Variants in CFAP221 observed in about 807,000 individuals in gnomAD.
CFAP221 encodes the protein cilia and flagella associated protein 221.
In CFAP221, 97 loss-of-function variants were observed where a neutral mutation model predicts 113.1. The observed-to-expected ratio is 0.86, with a 90% confidence interval of 0.73 to 1.02. The LOEUF (loss-of-function observed/expected upper bound fraction) is 1.02. CFAP221 is among the 50% of genes least tolerant of loss of function. The probability of loss-of-function intolerance (pLI) is 0.00; values close to 1 mark genes in which losing one functional copy is unlikely to be tolerated. For synonymous variants in CFAP221, 331 were observed against 354.4 expected (o/e 0.93, Z 0.74); for missense variants, 1,025 against 1,013.4 (o/e 1.01, Z -0.16).
At chr2:119,600,202 T>A (rs577692111) in intron 7 of CFAP221, among the ~76,000 whole-genome samples, 1 of 152,304 alleles carries the variant, frequency 6.6e-6, no homozygotes, top group South Asian at 2.1e-4. Context: ...CTTCGCTTTT[T>A]CTCTCCACAT....
chr2:119,608,478 A>G (rs1433302731), intron 11 of CFAP221, 24 bp from the exon 12 acceptor site: 1 of 1,380,760 alleles, frequency 7.2e-7, no homozygotes, highest in Non-Finnish European at 9.6e-7. Context: ...GGTTCTGGAC[A>G]CAGTTTTTTT....
chr2:119,567,157 G>C (rs1681706734), intron 6 of CFAP221, among the ~76,000 whole-genome samples: 1 of 152,132 alleles, frequency 6.6e-6, no homozygotes, highest in Non-Finnish European at 1.5e-5. Flanking sequence ...CCATAGTTTA[G>C]GGTTCACTCT....
intron 3 of CFAP221, among the ~76,000 whole-genome samples, chr2:119,555,241 T>G (rs2104521388): frequency 6.6e-6 from 1 of 152,182 alleles, no homozygotes; most frequent in Non-Finnish European, 1.5e-5. Context: ...GTAAATATGG[T>G]GCCCTGTGGA....
Position 119,647,030 on chromosome 2 carries a change from C to CA in CFAP221, c.2299dup (p.Arg767LysfsTer8). The CA allele has an allele frequency of 6.2e-7, 1 of 1,608,720 alleles. No individual in the cohort carries two copies. The highest frequency in any genetic ancestry group is 8.5e-7 in the Non-Finnish European group (1 of 1,177,834). ...TCCTTGATGCCTTACCAGAAGAGGA[C>CA]AGACTAGAAACAGTAGAACGGTATT... On this transcript the variant is annotated frameshift_variant, in exon 22 of 24. Coordinates refer to ENST00000413369, the MANE Select transcript of CFAP221 (RefSeq NM_001271049.2). LOFTEE classifies it high-confidence loss of function.
At chr2:119,576,430 CACTT>C (rs1212152577) in intron 6 of CFAP221, among the ~76,000 whole-genome samples, 2 of 152,200 alleles carry the variant, frequency 1.3e-5, no homozygotes, top group African/African-American at 2.4e-5. Flanking sequence ...ATTCAGCTCT[CACTT>C]ACAAGTGAAA....
chr2:119,602,664 A>G (rs995868005), intron 8 of CFAP221: 2 of 985,264 alleles, frequency 2.0e-6, no homozygotes, highest in African/African-American at 1.7e-5. Flanking sequence ...CTGAACCCAA[A>G]TCCTGCAAAT....
At chr2:119,602,945 T>C (rs1684467614) in intron 8 of CFAP221, among the ~76,000 whole-genome samples, 3 of 152,236 alleles carry the variant, frequency 2.0e-5, no homozygotes, top group Admixed American at 6.5e-5. Flanking sequence ...TTCTAAATTA[T>C]TATGTTAGTA....
At chr2:119,639,296 C>G (rs780645449) in intron 20 of CFAP221, among the ~76,000 whole-genome samples, 1 of 152,190 alleles carries the variant, frequency 6.6e-6, no homozygotes, top group South Asian at 2.1e-4. Flanking sequence ...ACAATGCCCT[C>G]GTGACCTGCC....
chr2:119,638,404 T>C lies in CFAP221; in HGVS notation c.2120T>C (p.Phe707Ser). ...GSSIPVTQKQFLHHTDIIPGI... is the reference protein window; with the variant it reads ...GSSIPVTQKQSLHHTDIIPGI... ...AGCATTCCTGTCACCCAAAAGCAGT[T>C]TCTCCATCACACGGTAATGTCATCA... The change falls in exon 20 of 24, where the codon TTT becomes TCT. Residue 707 changes from phenylalanine (F) to serine (S), a missense_variant. Transcript: ENST00000413369. 6.2e-7 allele frequency: 1 copy of C among 1,614,088 alleles called. No individual in the cohort carries two copies. The highest frequency in any genetic ancestry group is 8.5e-7 in the Non-Finnish European group (1 of 1,180,024).
downstream of CFAP221, among the ~76,000 whole-genome samples, chr2:119,658,367 C>T (rs958203875): frequency 6.6e-6 from 1 of 152,170 alleles, no homozygotes; most frequent in Non-Finnish European, 1.5e-5. Context: ...GCATCCTCGA[C>T]CTTTCCTAAG....
At chr2:119,577,774 A>C (rs999537953) in intron 6 of CFAP221, among the ~76,000 whole-genome samples, 2 of 152,256 alleles carry the variant, frequency 1.3e-5, no homozygotes, top group Non-Finnish European at 2.9e-5. Context: ...CCAAATTAAG[A>C]TGGCATCCAG....
At position 119,567,617 on chromosome 2, in the gene CFAP221, A is replaced by G. The variant is rs558297257; in HGVS notation, c.527+5503A>G. ...GTTTTTGTGTGGATGTAAGTTTTCA[A>G]TTCCTTTGGGTAGATACCAAAGAAC... On this transcript the variant is annotated intron_variant, in intron 6 of 23. Transcript: ENST00000413369. 1.2e-4 allele frequency among the ~76,000 whole-genome samples: 18 copies of G among 152,304 alleles called. No homozygotes were observed. In the South Asian group the frequency reaches 1.7e-3, roughly 14 times the overall value.
At chr2:119,609,812 T>C (rs1685028363) in intron 12 of CFAP221, among the ~76,000 whole-genome samples, 2 of 152,192 alleles carry the variant, frequency 1.3e-5, no homozygotes, top group South Asian at 4.1e-4. Context: ...GGGAAAAACA[T>C]TTCTTGTCAG....
intron 14 of CFAP221, among the ~76,000 whole-genome samples, chr2:119,618,086 C>T (rs572722682): frequency 7.2e-5 from 11 of 152,238 alleles, no homozygotes; most frequent in African/African-American, 2.4e-4. Context: ...CAGGCATTAT[C>T]CTCTTATTTT....
chr2:119,646,818 A>G (rs1024416552), intron 21 of CFAP221, 140 bp from the exon 22 acceptor site: 16 of 626,450 alleles, frequency 2.6e-5, no homozygotes, highest in Non-Finnish European at 1.3e-5. Context: ...GGAACCATAA[A>G]TGGCTTTTCA....
In CFAP221 at chr2:119,559,960, G is replaced by A. The variant is rs779348863; in HGVS notation, c.360G>A (p.Thr120=). Residue 120 remains threonine, a synonymous_variant, in exon 5 of 24, where the codon ACG becomes ACA. Coordinates refer to ENST00000413369, the MANE Select transcript of CFAP221 (RefSeq NM_001271049.2). The part of the protein sequence containing the change: ...EHHLVPGLSL[T]VTVTFSPDEW... ...ACCTGGTCCCTGGCTTGTCCCTCAC[G>A]GTCACCGTTACATTTTCTCCAGATG... The A allele has an allele frequency of 1.0e-5, 16 of 1,535,518 alleles. No homozygotes were observed. The highest frequency in any genetic ancestry group is 2.0e-5 in the Admixed American group (1 of 50,928).
At chr2:119,570,897 A>G (rs1376901290) in intron 6 of CFAP221, among the ~76,000 whole-genome samples, 4 of 152,210 alleles carry the variant, frequency 2.6e-5, no homozygotes, top group African/African-American at 4.8e-5. Flanking sequence ...GTAAATACCT[A>G]GAAGTGGAAT....
intron 16 of CFAP221, among the ~76,000 whole-genome samples, chr2:119,628,294 G>GGGGGGGT (rs1553491014): frequency 7.3e-6 from 1 of 137,488 alleles, no homozygotes; most frequent in African/African-American, 2.8e-5. Context: ...CTCTCTGGGG[G>GGGGGGGT]GTGTGTGTGT....
At chr2:119,659,141 C>T (rs774756233), downstream of CFAP221, among the ~76,000 whole-genome samples, 51 of 152,168 alleles carry the variant, frequency 3.4e-4, no homozygotes, top group Non-Finnish European at 6.2e-4. Flanking sequence ...CCATCATCTA[C>T]GATGTATTAC....
Sources: allele counts gnomAD v4.1 joint callset (sites outside exome capture counted in the v4.1 genomes callset), GRCh38; gene constraint gnomAD v4.1.1; transcripts MANE v1.5; gene names NCBI Gene and HGNC (gene_info 2026-07-23, HGNC 2026-07-21).